NPM2: variants seen among roughly 807,000 people sequenced by gnomAD.
NPM2 encodes nucleophosmin/nucleoplasmin 2.
Under a neutral mutation model 32.0 loss-of-function variants are expected in NPM2, and 25 were observed. That is an observed-to-expected ratio of 0.78 (90% confidence interval 0.57 to 1.09). The LOEUF is 1.09. Ranked by LOEUF, NPM2 falls within the 50% of genes least tolerant of loss-of-function variation. The pLI, the probability that NPM2 is intolerant of heterozygous loss-of-function variation, is 0.00. For missense variants in NPM2, 282 were observed against 259.9 expected (o/e 1.08, Z -0.58); for synonymous variants, 111 against 94.2 (o/e 1.18, Z -1.04).
chr8:22,032,978 G>A (rs974938389), intron 5 of NPM2, 152 bp from the exon 6 acceptor site: 2 of 626,682 alleles, frequency 3.2e-6, no homozygotes, highest in African/African-American at 3.6e-5. Context: ...GGATTACCAG[G>A]TTCAAATTCT....
At chr8:22,031,194 TTC>T (rs1181244463) in intron 5 of NPM2, among the ~76,000 whole-genome samples, 1 of 152,214 alleles carries the variant, frequency 6.6e-6, no homozygotes, top group Non-Finnish European at 1.5e-5. Flanking sequence ...CACTGGAGAC[TTC>T]TTTTATTTCC....
chr8:22,032,501 G>A (rs903416868), intron 5 of NPM2, among the ~76,000 whole-genome samples: 11 of 152,244 alleles, frequency 7.2e-5, no homozygotes, highest in South Asian at 2.1e-4. Context: ...CTGCTTTCTC[G>A]TTTGATCGGT....
intron 8 of NPM2, among the ~76,000 whole-genome samples, chr8:22,035,649 C>T (rs535619335): frequency 9.3e-4 from 141 of 152,254 alleles, no homozygotes; most frequent in African/African-American, 3.1e-3. Context: ...AAGAGTTTGA[C>T]CAGGCCGGGT....
chr8:22,026,454 C>CT (rs1171179196), intron 5 of NPM2, among the ~76,000 whole-genome samples: 3,633 of 111,346 alleles, frequency 0.033, 118 homozygotes, highest in South Asian at 0.061. Flanking sequence ...CAGTTCTTGC[C>CT]TTTTTTTTTT....
intron 5 of NPM2, among the ~76,000 whole-genome samples, chr8:22,027,924 A>G (rs79872342): frequency 0.067 from 10,168 of 151,836 alleles, 523 homozygotes; most frequent in South Asian, 0.2. Context: ...CTTTTTTCCC[A>G]CACCCATATC....
At position 22,036,655 on chromosome 8, in the gene NPM2, AG is replaced by A; in HGVS notation, c.619del (p.Ala207ProfsTer41). The A allele has an allele frequency of 6.5e-7, 1 of 1,549,298 alleles. No homozygotes were observed. Among genetic ancestry groups the A allele is most frequent in the South Asian group, 1.2e-5 (1 of 83,924 alleles). On this transcript the variant is annotated frameshift_variant, in exon 10 of 10. Coordinates refer to ENST00000518119, the MANE Select transcript of NPM2 (RefSeq NM_001286680.2). LOFTEE classifies it high-confidence loss of function. Reference sequence around the variant, plus strand: ...CTCCACAGGCCAAAGCCACAGCCAGAGCCAAGAAGCCAGGATTCAAGAAATG... The same window carrying A: ...CTCCACAGGCCAAAGCCACAGCCAGACCAAGAAGCCAGGATTCAAGAAATG... ...PVKKAKATAR[A>X]KKPGFKK is the part of the protein sequence containing the mutation.
chr8:22,035,899 C>T (rs541568908), intron 8 of NPM2, among the ~76,000 whole-genome samples: 2 of 147,170 alleles, frequency 1.4e-5, no homozygotes, highest in South Asian at 2.1e-4. Context: ...CACCACTGCA[C>T]ACCAGCCTGG....
At chr8:22,032,555 G>A (rs1212535187) in intron 5 of NPM2, among the ~76,000 whole-genome samples, 2 of 152,146 alleles carry the variant, frequency 1.3e-5, no homozygotes, top group Non-Finnish European at 2.9e-5. Context: ...CCACAGACTG[G>A]AGGGCTTTAG....
intron 6 of NPM2, among the ~76,000 whole-genome samples, chr8:22,033,598 C>T (rs540337469): frequency 5.9e-5 from 9 of 152,004 alleles, no homozygotes; most frequent in South Asian, 4.2e-4. Context: ...CATAGCAACG[C>T]GGCATGATGC....
chr8:22,025,342 C>T (rs1297912503), intron 3 of NPM2, 36 bp downstream of exon 3: 2 of 1,600,496 alleles, frequency 1.2e-6, no homozygotes, highest in Admixed American at 1.8e-5. Flanking sequence ...CAGAGACACG[C>T]CCCACCTCCG....
chr8:22,035,904 G>A (rs1356725811), intron 8 of NPM2, among the ~76,000 whole-genome samples: 1 of 148,338 alleles, frequency 6.7e-6, no homozygotes, highest in Non-Finnish European at 1.5e-5. Flanking sequence ...CTGCACACCA[G>A]CCTGGGCAAC....
In NPM2 at chr8:22,028,341, A is replaced by ATTT. The variant is rs36012479; in HGVS notation, c.270+2594_270+2596dup. On this transcript the variant is annotated intron_variant, in intron 5 of 9. Coordinates refer to ENST00000518119, the MANE Select transcript of NPM2 (RefSeq NM_001286680.2). The stretch of plus-strand genomic sequence containing the variant: ...TGTGCTCCACACAGCTGCCAAAAAG[A>ATTT]TTTTTTTTTTTTTTTTTTTTTTTTT... Among the ~76,000 whole-genome samples, 42 of 65,596 alleles carry ATTT rather than the reference A, an allele frequency of 6.4e-4. 1 individual carries two copies. Among genetic ancestry groups the ATTT allele is most frequent in the African/African-American group, 2.3e-3 (39 of 17,098 alleles). 43.0% of individuals were successfully genotyped at this position (65,596 alleles called of 152,430 possible). A position where few individuals can be genotyped will look rare whatever the true frequency, so the allele number is the denominator to read the frequency against.
Position 22,036,665 on chromosome 8 carries a change from C to A in NPM2, c.628C>A (p.Pro210Thr). Residue 210 changes from proline to threonine, a missense_variant, in exon 10 of 10, where the codon CCA (proline) becomes ACA (threonine). Physicochemically the swap from Pro to Thr is conservative, Grantham distance 38 (BLOSUM62 -1). Transcript: ENST00000518119. ...KAKATARAKK[P>T]GFKK ...CAAAGCCACAGCCAGAGCCAAGAAG[C>A]CAGGATTCAAGAAATGAGGAGCCAC... 6.5e-7 allele frequency: 1 copy of A among 1,548,734 alleles called. No homozygotes were observed. Among genetic ancestry groups the A allele is most frequent in the South Asian group, 1.2e-5 (1 of 83,892 alleles).
intron 5 of NPM2, among the ~76,000 whole-genome samples, chr8:22,028,115 G>A (rs1433426079): frequency 6.6e-6 from 1 of 152,144 alleles, no homozygotes; most frequent in African/African-American, 2.4e-5. Context: ...TCCAGGGTAG[G>A]CAAACTAGAG....
intron 5 of NPM2, among the ~76,000 whole-genome samples, chr8:22,027,812 G>T (rs1262172673): frequency 6.6e-6 from 1 of 152,016 alleles, no homozygotes; most frequent in African/African-American, 2.4e-5. Flanking sequence ...TTGCCATGTT[G>T]GTCAGGCTGG....
At chr8:22,025,101 C>A in intron 2 of NPM2, 115 bp from the exon 3 acceptor site, 2 of 793,522 alleles carry the variant, frequency 2.5e-6, no homozygotes, top group East Asian at 5.6e-5. Flanking sequence ...CGTGGCAGGT[C>A]CCCTCCAGCC....
chr8:22,025,347 C>T (rs1800204325), intron 3 of NPM2, 41 bp downstream of exon 3: 1 of 1,601,260 alleles, frequency 6.2e-7, no homozygotes, highest in Non-Finnish European at 8.5e-7. Flanking sequence ...ACACGCCCCA[C>T]CTCCGGTGCG....
chr8:22,030,798 GC>G (rs1212141045), intron 5 of NPM2, among the ~76,000 whole-genome samples: 2 of 151,866 alleles, frequency 1.3e-5, no homozygotes, highest in South Asian at 2.1e-4. Context: ...TCCGGCCTCA[GC>G]CCCCCCGAGT....
At position 22,025,210 on chromosome 8, in the gene NPM2, T is replaced by C. The variant is rs997146601; in HGVS notation, c.-33-6T>C. 5 of 1,601,888 alleles carry C rather than the reference T, an allele frequency of 3.1e-6. No individual in the cohort carries two copies. Among genetic ancestry groups the C allele is most frequent in the Non-Finnish European group, 4.3e-6 (5 of 1,176,458 alleles). ...GCAAGGCCTCACGCGGGCGCCCTCCTTGCAGCTGCCCGGCCAGCCCGCTTC... is the reference window on the plus strand; with the variant it reads ...GCAAGGCCTCACGCGGGCGCCCTCCCTGCAGCTGCCCGGCCAGCCCGCTTC... On this transcript the variant is annotated splice_polypyrimidine_tract_variant and splice_region_variant and intron_variant, in intron 2 of 9. Coordinates refer to ENST00000518119, the MANE Select transcript of NPM2 (RefSeq NM_001286680.2).
Sources: allele counts gnomAD v4.1 joint callset (sites outside exome capture counted in the v4.1 genomes callset), GRCh38; gene constraint gnomAD v4.1.1; transcripts MANE v1.5; gene names NCBI Gene and HGNC (gene_info 2026-07-23, HGNC 2026-07-21).